ANKDD1B: variants seen among roughly 807,000 people sequenced by gnomAD.
The protein encoded by ANKDD1B is ankyrin repeat and death domain containing 1B.
Under a neutral mutation model 59.7 loss-of-function variants are expected in ANKDD1B, and 57 were observed. The ratio of observed to expected loss-of-function variants is 0.95; its 90% CI spans 0.77 to 1.19. ANKDD1B has a LOEUF of 1.19. ANKDD1B is among the 50% of genes most tolerant of loss of function. The probability of loss-of-function intolerance (pLI) is 0.00; values close to 1 mark genes in which losing one functional copy is unlikely to be tolerated. For missense variants in ANKDD1B, 602 were observed against 641.9 expected (o/e 0.94, Z 0.67); for synonymous variants, 216 against 239.5 (o/e 0.90, Z 0.91).
chr5:75,659,321 A>G lies in ANKDD1B; in HGVS notation c.1035A>G (p.Gly345=). Residue 345 remains glycine, a synonymous_variant, in exon 10 of 14, where the codon GGA becomes GGG. Transcript: ENST00000601380. ...CTCTGCATGTAGCTGCTGATCGTGG[A>G]AATGTGGAACTGGTGGAAACCCTGC... ...QTPLHVAADR[G]NVELVETLLK... is the part of the protein sequence containing the mutation. 6.5e-7 allele frequency: 1 copy of G among 1,536,112 alleles called. No individual in the cohort carries two copies. Among genetic ancestry groups the G allele is most frequent in the Non-Finnish European group, 8.7e-7 (1 of 1,146,896 alleles).
intron 5 of ANKDD1B, among the ~76,000 whole-genome samples, chr5:75,630,523 C>T (rs1774122772): frequency 1.3e-5 from 2 of 152,342 alleles, no homozygotes; most frequent in South Asian, 4.1e-4. Flanking sequence ...TCAGAACCTC[C>T]CATCTCTTAG....
intron 3 of ANKDD1B, among the ~76,000 whole-genome samples, 180 bp downstream of exon 3, chr5:75,620,593 A>C (rs889264763): frequency 6.6e-6 from 1 of 152,194 alleles, no homozygotes; most frequent in Non-Finnish European, 1.5e-5. Flanking sequence ...TTGGGGACTA[A>C]ATTGTTTCCC....
chr5:75,637,685 T>C (rs190388012), intron 7 of ANKDD1B, among the ~76,000 whole-genome samples: 19 of 152,334 alleles, frequency 1.2e-4, no homozygotes, highest in Admixed American at 4.6e-4. Context: ...TACATGCATA[T>C]ATAAAGGAAA....
At chr5:75,619,493 G>C (rs1773792699) in intron 2 of ANKDD1B, among the ~76,000 whole-genome samples, 1 of 152,044 alleles carries the variant, frequency 6.6e-6, no homozygotes, top group East Asian at 1.9e-4. Flanking sequence ...TTTCTTTTGA[G>C]AGTATCTCTT....
At chr5:75,637,947 G>A (rs1774360748) in intron 7 of ANKDD1B, among the ~76,000 whole-genome samples, 3 of 152,164 alleles carry the variant, frequency 2.0e-5, no homozygotes, top group Non-Finnish European at 4.4e-5. Flanking sequence ...CCATTCCAAT[G>A]TAATGCATGT....
chr5:75,660,868 C>T (rs892551796), intron 10 of ANKDD1B, among the ~76,000 whole-genome samples: 1 of 152,148 alleles, frequency 6.6e-6, no homozygotes, highest in Non-Finnish European at 1.5e-5. Flanking sequence ...CTACAACTGT[C>T]AGCAAAGATG....
intron 3 of ANKDD1B, 92 bp from the exon 4 acceptor site, chr5:75,625,555 A>ATC (rs1773968104): frequency 1.2e-5 from 11 of 901,284 alleles, no homozygotes; most frequent in Non-Finnish European, 1.7e-5. Flanking sequence ...GTTTTCAACA[A>ATC]TCTAGTATTA....
chr5:75,625,534 T>C, intron 3 of ANKDD1B, 113 bp from the exon 4 acceptor site: 2 of 770,896 alleles, frequency 2.6e-6, no homozygotes, highest in East Asian at 2.7e-5. Context: ...TATTAAATTC[T>C]CTATTTCTTA....
At chr5:75,655,373 C>T (rs1774943722) in intron 8 of ANKDD1B, among the ~76,000 whole-genome samples, 2 of 152,152 alleles carry the variant, frequency 1.3e-5, no homozygotes, top group African/African-American at 2.4e-5. Context: ...GATGGTGCCC[C>T]TGAGTAAGGG....
intron 10 of ANKDD1B, among the ~76,000 whole-genome samples, chr5:75,660,415 T>C (rs1342779798): frequency 6.6e-6 from 1 of 152,280 alleles, no homozygotes; most frequent in Non-Finnish European, 1.5e-5. Context: ...TGTTGTAGCA[T>C]GTGTCAGAAT....
At chr5:75,612,634 A>C (rs899927235) in intron 1 of ANKDD1B, among the ~76,000 whole-genome samples, 14 of 152,158 alleles carry the variant, frequency 9.2e-5, no homozygotes, top group African/African-American at 3.4e-4. Context: ...GTAGGGTTGG[A>C]GAGAACAAGA....
chr5:75,612,318 G>T (rs867887985), intron 1 of ANKDD1B, among the ~76,000 whole-genome samples: 2 of 99,572 alleles, frequency 2.0e-5, no homozygotes, highest in African/African-American at 7.7e-5. Context: ...GTCTGCCCCC[G>T]CCCCCCCCCG....
At chr5:75,639,696 A>T (rs1774413092) in intron 7 of ANKDD1B, among the ~76,000 whole-genome samples, 1 of 152,238 alleles carries the variant, frequency 6.6e-6, no homozygotes. Context: ...AATAATGTCC[A>T]AGGAGGGAAA....
chr5:75,653,472 T>A (rs1209496610), intron 8 of ANKDD1B, among the ~76,000 whole-genome samples: 2 of 152,238 alleles, frequency 1.3e-5, no homozygotes, highest in African/African-American at 4.8e-5. Flanking sequence ...GAAATCTTTG[T>A]GTTTTAAATA....
intron 5 of ANKDD1B, among the ~76,000 whole-genome samples, chr5:75,626,699 T>A: frequency 6.6e-6 from 1 of 152,178 alleles, no homozygotes; most frequent in East Asian, 1.9e-4. Context: ...CTTCATGCTG[T>A]GCTGTCTCCC....
rs901653652 is a variant in ANKDD1B at position 75,671,177 on chromosome 5, G to C, written c.*137G>C. 10 of 403,608 alleles carry C rather than the reference G, an allele frequency of 2.5e-5. No homozygotes were observed. The highest frequency in any genetic ancestry group is 8.2e-5 in the African/African-American group (4 of 48,614). The allele number at this position is 403,608 out of a possible 1,614,324, so 25.0% of individuals were successfully genotyped here. A position where few individuals can be genotyped will look rare whatever the true frequency, so the allele number is the denominator to read the frequency against. ...CAGGGAACTCTAACAGATGAAAGAA[G>C]AGTAATACCATGATACTTTTCAACC... On this transcript the variant is annotated 3_prime_UTR_variant, in exon 14 of 14. Coordinates refer to ENST00000601380, the MANE Select transcript of ANKDD1B (RefSeq NM_001276713.2).
chr5:75,654,161 C>T (rs1260531136), intron 8 of ANKDD1B, among the ~76,000 whole-genome samples: 2 of 152,216 alleles, frequency 1.3e-5, no homozygotes, highest in Non-Finnish European at 2.9e-5. Context: ...CTCTGACTTA[C>T]TCAGCTGTGG....
chr5:75,621,412 C>T (rs1249827506), intron 3 of ANKDD1B, among the ~76,000 whole-genome samples: 2 of 152,022 alleles, frequency 1.3e-5, no homozygotes, highest in Non-Finnish European at 2.9e-5. Context: ...CTGATTTTTT[C>T]CCCAATCCAC....
intron 5 of ANKDD1B, among the ~76,000 whole-genome samples, chr5:75,630,069 C>T (rs1346665831): frequency 6.6e-6 from 1 of 152,156 alleles, no homozygotes; most frequent in African/African-American, 2.4e-5. Context: ...GGCCTGGAGC[C>T]CAGGGCTCTG....
Sources: gnomAD v4.1 joint callset for allele counts (sites outside exome capture counted in the v4.1 genomes callset) on GRCh38, gnomAD v4.1.1 for gene constraint, MANE v1.5 for transcripts, NCBI Gene and HGNC (gene_info 2026-07-23, HGNC 2026-07-21) for gene names.